Variants in SLC9A9 observed in about 807,000 individuals in gnomAD.
SLC9A9 encodes solute carrier family 9 member A9.
A neutral mutation model predicts 77.8 loss-of-function variants in SLC9A9; 62 were observed. That is an observed-to-expected ratio of 0.80 (90% CI 0.65 to 0.98). The LOEUF is 0.98. Among genes scored for constraint, SLC9A9 ranks in the 50% least tolerant of loss-of-function variants. The pLI is 0.00. For missense variants in SLC9A9, 775 were observed against 774.9 expected, an observed-to-expected ratio of 1.00 and a Z score of 0.00; for synonymous variants, 320 against 283.5, an observed-to-expected ratio of 1.13 and a Z score of -1.29.
chr3:143,425,593 A>C (rs1023896570), intron 12 of SLC9A9, among the ~76,000 whole-genome samples: 3 of 152,092 alleles, frequency 2.0e-5, no homozygotes, highest in Admixed American at 2.0e-4. Context: ...GAAAAAATGA[A>C]ATATAAGGGG....
chr3:143,319,168 A>G (rs1262287738), intron 14 of SLC9A9, among the ~76,000 whole-genome samples: 1 of 152,174 alleles, frequency 6.6e-6, no homozygotes, highest in East Asian at 1.9e-4. Flanking sequence ...CTAGTCTAAT[A>G]ACCAGGTCCC....
At chr3:143,779,948 G>A (rs1488419632) in intron 4 of SLC9A9, among the ~76,000 whole-genome samples, 1 of 152,116 alleles carries the variant, frequency 6.6e-6, no homozygotes, top group Non-Finnish European at 1.5e-5. Flanking sequence ...GTACTTTTGA[G>A]GATAATGTTT....
At chr3:143,278,846 AT>A (rs897620672) in intron 14 of SLC9A9, among the ~76,000 whole-genome samples, 1 of 151,942 alleles carries the variant, frequency 6.6e-6, no homozygotes, top group Non-Finnish European at 1.5e-5. Context: ...AGTTTTCTGT[AT>A]TTTTTTTAAT....
intron 6 of SLC9A9, among the ~76,000 whole-genome samples, chr3:143,603,293 G>C (rs1455634404): frequency 6.6e-6 from 1 of 152,186 alleles, no homozygotes; most frequent in African/African-American, 2.4e-5. Context: ...AGGTTACTGT[G>C]GTAGGCAGCC....
At chr3:143,644,712 A>G (rs2038675705) in intron 6 of SLC9A9, among the ~76,000 whole-genome samples, 1 of 152,076 alleles carries the variant, frequency 6.6e-6, no homozygotes, top group Non-Finnish European at 1.5e-5. Context: ...AAATGAAGTC[A>G]GCATGAAATT....
chr3:143,407,625 T>G (rs1359350499), intron 12 of SLC9A9, among the ~76,000 whole-genome samples: 1 of 152,154 alleles, frequency 6.6e-6, no homozygotes, highest in Non-Finnish European at 1.5e-5. Flanking sequence ...AATTGCAAGT[T>G]GAGGCTGACA....
intron 8 of SLC9A9, among the ~76,000 whole-genome samples, chr3:143,572,301 G>C (rs140549103): frequency 0.017 from 2,002 of 116,012 alleles, 16 homozygotes; most frequent in Non-Finnish European, 0.03. Context: ...GCAATGGTGT[G>C]TGTGTGTGTG....
At chr3:143,286,174 T>G (rs1938376166) in intron 14 of SLC9A9, among the ~76,000 whole-genome samples, 1 of 152,156 alleles carries the variant, frequency 6.6e-6, no homozygotes. Flanking sequence ...GAATGCTAGT[T>G]ATTTTCTCCT....
intron 14 of SLC9A9, among the ~76,000 whole-genome samples, chr3:143,345,559 TGA>T (rs2032239034): frequency 1.3e-5 from 2 of 152,206 alleles, no homozygotes; most frequent in South Asian, 4.2e-4. Context: ...GGTTGAGGAA[TGA>T]GTAGAAGGAG....
intron 5 of SLC9A9, among the ~76,000 whole-genome samples, chr3:143,663,178 G>T (rs546788802): frequency 6.6e-6 from 1 of 152,316 alleles, no homozygotes; most frequent in South Asian, 2.1e-4. Flanking sequence ...AACAGGGTCT[G>T]CAGTGGACCT....
chr3:143,348,059 G>T (rs1375725215), intron 14 of SLC9A9, among the ~76,000 whole-genome samples: 3 of 151,034 alleles, frequency 2.0e-5, no homozygotes, highest in African/African-American at 7.3e-5. Context: ...CTGTCGCCAG[G>T]CTGGAGTGCA....
At chr3:143,309,017 C>T (rs921207638) in intron 14 of SLC9A9, among the ~76,000 whole-genome samples, 4 of 152,152 alleles carry the variant, frequency 2.6e-5, no homozygotes, top group South Asian at 4.1e-4. Flanking sequence ...CAGCCAACTC[C>T]GTGACATTTA....
intron 14 of SLC9A9, among the ~76,000 whole-genome samples, chr3:143,303,016 G>A (rs898138523): frequency 2.6e-5 from 4 of 152,174 alleles, no homozygotes; most frequent in Non-Finnish European, 5.9e-5. Flanking sequence ...TCCACATCGT[G>A]CCCTTCCCCT....
chr3:143,795,892 T>A (rs905417100), intron 3 of SLC9A9, among the ~76,000 whole-genome samples: 2 of 152,140 alleles, frequency 1.3e-5, no homozygotes, highest in African/African-American at 4.8e-5. Context: ...GAAAACCCCA[T>A]TCCAGTTTTT....
Position 143,748,258 on chromosome 3 carries a change from C to T in SLC9A9, c.533+46743G>A, listed in dbSNP as rs111912891. ...TGCGGGCTCTGTTTGTGCTCTTATC[C>T]GGGACCCCACAAATATAAGAGCCTT... On this transcript the variant is annotated intron_variant, in intron 4 of 15. Coordinates refer to ENST00000316549, the MANE Select transcript of SLC9A9 (RefSeq NM_173653.4). 4.1e-3 allele frequency among the ~76,000 whole-genome samples: 631 copies of T among 152,186 alleles called. 5 individuals carry two copies. The highest frequency in any genetic ancestry group is 0.015 in the African/African-American group (608 of 41,498).
At chr3:143,364,679 C>T (rs1006675213) in intron 13 of SLC9A9, among the ~76,000 whole-genome samples, 2 of 152,148 alleles carry the variant, frequency 1.3e-5, no homozygotes, top group South Asian at 2.1e-4. Context: ...TAGATGCTTC[C>T]GTTCTATCCC....
At chr3:143,332,180 G>A (rs2031791487) in intron 14 of SLC9A9, among the ~76,000 whole-genome samples, 2 of 152,170 alleles carry the variant, frequency 1.3e-5, no homozygotes, top group South Asian at 4.1e-4. Context: ...GTTGGGAATG[G>A]AAAATTCCAG....
At chr3:143,689,088 C>T (rs1000962258) in intron 5 of SLC9A9, among the ~76,000 whole-genome samples, 1 of 151,842 alleles carries the variant, frequency 6.6e-6, no homozygotes, top group African/African-American at 2.4e-5. Flanking sequence ...TATGGATAAA[C>T]CCCCCAAGTT....
At chr3:143,554,292 AGTT>A in intron 8 of SLC9A9, among the ~76,000 whole-genome samples, 2 of 152,288 alleles carry the variant, frequency 1.3e-5, no homozygotes, top group East Asian at 3.9e-4. Flanking sequence ...TACTGCAGTG[AGTT>A]ACTATCTCAC....
Sources: gnomAD v4.1 joint callset for allele counts (sites outside exome capture counted in the v4.1 genomes callset) on GRCh38, gnomAD v4.1.1 for gene constraint, MANE v1.5 for transcripts, NCBI Gene and HGNC (gene_info 2026-07-23, HGNC 2026-07-21) for gene names.